The following NFX1 variants were observed in gnomAD, a reference collection of about 807,000 sequenced individuals.
NFX1 encodes transcriptional repressor NF-X1.
NFX1 carries 69 observed loss-of-function variants against 137.2 expected under a neutral mutation model. That is an observed-to-expected ratio of 0.50 (90% confidence interval 0.41 to 0.61). The LOEUF (loss-of-function observed/expected upper bound fraction) is 0.61, where lower values mean the gene tolerates loss of function less well. Ranked by LOEUF, NFX1 falls within the 20% of genes least tolerant of loss-of-function variation. The pLI is 0.00. For synonymous variants in NFX1, 495 were observed against 474.1 expected, an observed-to-expected ratio of 1.04 and a Z score of -0.57; for missense variants, 1,167 against 1,391.0, an observed-to-expected ratio of 0.84 and a Z score of 2.56.
intron 19 of NFX1, among the ~76,000 whole-genome samples, chr9:33,358,965 C>A (rs568225742): frequency 3.6e-4 from 55 of 152,034 alleles, no homozygotes; most frequent in African/African-American, 1.3e-3. Context: ...TTCCAAAGTG[C>A]TGGGTTTACA....
intron 5 of NFX1, among the ~76,000 whole-genome samples, chr9:33,308,502 A>C (rs1465608910): frequency 6.6e-6 from 1 of 152,232 alleles, no homozygotes. Context: ...ATACCAAAAA[A>C]TGCACAGTAA....
chr9:33,298,537 G>A (rs1821440483), intron 2 of NFX1, among the ~76,000 whole-genome samples: 1 of 152,210 alleles, frequency 6.6e-6, no homozygotes, highest in South Asian at 2.1e-4. Context: ...CAGCACTTTG[G>A]AAGGCCAAGG....
Position 33,290,797 on chromosome 9 carries a change from A to G in NFX1, c.25+200A>G, listed in dbSNP as rs1003378842. 2.0e-5 allele frequency among the ~76,000 whole-genome samples: 3 copies of G among 152,234 alleles called. 1 individual carries two copies. The highest frequency in any genetic ancestry group is 4.4e-5 in the Non-Finnish European group (3 of 68,028). The stretch of plus-strand genomic sequence containing the variant: ...CTTGGACTAGATGGTGAAGCCCAGT[A>G]GCTGGGTTTCGGAGGAGAGAGGACT... On this transcript the variant is annotated intron_variant, in intron 1 of 23. Transcript: ENST00000379540.
intron 4 of NFX1, among the ~76,000 whole-genome samples, chr9:33,305,793 G>A (rs1821732236): frequency 6.6e-6 from 1 of 152,220 alleles, no homozygotes; most frequent in African/African-American, 2.4e-5. Context: ...AGTGACTACA[G>A]TTTAGAAATG....
At chr9:33,338,639 G>A (rs1219493705) in intron 12 of NFX1, 50 bp downstream of exon 12, 2 of 1,485,896 alleles carry the variant, frequency 1.3e-6, no homozygotes, top group Non-Finnish European at 1.8e-6. Context: ...CAGGTGCTGG[G>A]CTTCTGGAAG....
chr9:33,307,740 G>A (rs895423861), intron 5 of NFX1, among the ~76,000 whole-genome samples: 4 of 151,866 alleles, frequency 2.6e-5, no homozygotes, highest in African/African-American at 7.2e-5. Flanking sequence ...TTAGGGTCCC[G>A]GTCGGACAGT....
intron 9 of NFX1, among the ~76,000 whole-genome samples, chr9:33,328,150 G>T (rs1024089143): frequency 6.6e-6 from 1 of 151,610 alleles, no homozygotes; most frequent in Non-Finnish European, 1.5e-5. Context: ...AGCTGGGACT[G>T]TAGGCCTGCA....
rs76394304 is a variant in NFX1, at chr9:33,316,311, C to CT, written c.1589-2406dup. Among the ~76,000 whole-genome samples the CT allele has an allele frequency of 9.0e-3, 1,273 of 140,748 alleles. 12 individuals carry two copies. Among genetic ancestry groups the CT allele is most frequent in the South Asian group, 0.024 (105 of 4,456 alleles). The allele number at this position is 140,748 out of a possible 152,430, so 92.3% of individuals were successfully genotyped here. On this transcript the variant is annotated intron_variant, in intron 7 of 23. Transcript: ENST00000379540. ...CTCTCTATCCTGGTACTTACCAAGC[C>CT]TTTTTTTTTTTTTTGGATCTCGTTC...
At chr9:33,351,916 A>G (rs1212197790) in intron 16 of NFX1, 126 bp downstream of exon 16, 9 of 825,614 alleles carry the variant, frequency 1.1e-5, no homozygotes, top group Non-Finnish European at 1.3e-5. Flanking sequence ...AAATAACCAC[A>G]AGTTAGAGAA....
intron 1 of NFX1, among the ~76,000 whole-genome samples, chr9:33,293,852 G>A (rs1335726338): frequency 3.3e-5 from 5 of 152,176 alleles, no homozygotes; most frequent in African/African-American, 1.2e-4. Context: ...CACTTATTAA[G>A]TACTATCTAT....
chr9:33,290,999 C>T (rs1161392879), intron 1 of NFX1, among the ~76,000 whole-genome samples: 4 of 152,092 alleles, frequency 2.6e-5, no homozygotes, highest in Non-Finnish European at 5.9e-5. Context: ...GGCGTGGGCG[C>T]GAGCCGAATT....
intron 11 of NFX1, among the ~76,000 whole-genome samples, chr9:33,335,956 T>G (rs1822986351): frequency 6.6e-6 from 1 of 152,254 alleles, no homozygotes; most frequent in Non-Finnish European, 1.5e-5. Context: ...TTAGAATTGT[T>G]TCTACTTTTT....
intron 11 of NFX1, among the ~76,000 whole-genome samples, chr9:33,336,508 C>T (rs1344032328): frequency 2.6e-5 from 4 of 152,196 alleles, no homozygotes; most frequent in East Asian, 1.9e-4. Context: ...GCCACCGCAC[C>T]GACCATTTTT....
At chr9:33,302,045 CT>C (rs1234806366) in intron 3 of NFX1, among the ~76,000 whole-genome samples, 7 of 152,196 alleles carry the variant, frequency 4.6e-5, no homozygotes, top group Non-Finnish European at 8.8e-5. Context: ...GCCCTCCAGC[CT>C]GGGTGACAGA....
chr9:33,322,196 A>G (rs1822411783), intron 9 of NFX1, among the ~76,000 whole-genome samples: 1 of 148,938 alleles, frequency 6.7e-6, no homozygotes, highest in African/African-American at 2.5e-5. Flanking sequence ...GTGAGACTCC[A>G]TCTCGAAAAA....
At chr9:33,351,524 T>G in intron 15 of NFX1, 36 bp from the exon 16 acceptor site, 50 of 1,577,364 alleles carry the variant, frequency 3.2e-5, no homozygotes, top group Non-Finnish European at 3.9e-5. Flanking sequence ...AAATCCCACA[T>G]GGAGATGAGA....
chr9:33,336,219 G>GGTTTTTGTTTTT (rs1469848452), intron 11 of NFX1, among the ~76,000 whole-genome samples: 7 of 151,454 alleles, frequency 4.6e-5, no homozygotes, highest in African/African-American at 1.7e-4. Flanking sequence ...GGGTTTTTTT[G>GGTTTTTGTTTTT]GTTTTTGTTT....
rs1171586852 is a variant in NFX1 at position 33,295,223 on chromosome 9, A to G, written c.829A>G (p.Asn277Asp). The G allele has an allele frequency of 5.0e-6, 8 of 1,614,174 alleles. No individual in the cohort carries two copies. Among genetic ancestry groups the G allele is most frequent in the Non-Finnish European group, 6.8e-6 (8 of 1,180,032 alleles). ...ACATACAAACGCAGGACACAGAAAC[A>G]ACATGGGCCCCATTCCAAAGGATGA... ...HRHTNAGHRN[N>D]MGPIPKDDLN... The change falls in exon 2 of 24, where the codon AAC (asparagine) becomes GAC (aspartate). Residue 277 changes from asparagine to aspartate, a missense_variant. Asn to Asp is a conservative substitution (Grantham distance 23, BLOSUM62 1). Coordinates refer to ENST00000379540, the MANE Select transcript of NFX1 (RefSeq NM_002504.6).
intron 12 of NFX1, among the ~76,000 whole-genome samples, chr9:33,341,093 C>T (rs1181274599): frequency 2.6e-5 from 4 of 152,178 alleles, no homozygotes; most frequent in African/African-American, 9.7e-5. Flanking sequence ...CTGCTGGTAC[C>T]AGTTTACTGT....
Sources: gnomAD v4.1 joint callset for allele counts (sites outside exome capture counted in the v4.1 genomes callset) on GRCh38, gnomAD v4.1.1 for gene constraint, MANE v1.5 for transcripts, NCBI Gene and HGNC (gene_info 2026-07-23, HGNC 2026-07-21) for gene names.